Variants in RDX observed in about 807,000 individuals in gnomAD.
RDX encodes the protein radixin.
A neutral mutation model predicts 83.7 loss-of-function variants in RDX; 32 were observed. The ratio of observed to expected loss-of-function variants is 0.38; its 90% CI spans 0.29 to 0.51. The LOEUF (loss-of-function observed/expected upper bound fraction) is 0.51, where lower values mean the gene tolerates loss of function less well. RDX is among the 20% of genes least tolerant of loss of function. The pLI, the probability that RDX is intolerant of heterozygous loss-of-function variation, is 0.87. For synonymous variants in RDX, 229 were observed against 222.7 expected (o/e 1.03, Z -0.25); for missense variants, 600 against 689.9 (o/e 0.87, Z 1.46).
At chr11:110,188,505 G>A (rs771369209) in intron 15 of RDX, among the ~76,000 whole-genome samples, 3 of 152,006 alleles carry the variant, frequency 2.0e-5, no homozygotes, top group Non-Finnish European at 4.4e-5. Context: ...TGGGAACTTA[G>A]GAGGAAGGAT....
At chr11:110,221,447 A>T (rs1380418951) in intron 14 of RDX, among the ~76,000 whole-genome samples, 3 of 151,996 alleles carry the variant, frequency 2.0e-5, no homozygotes, top group Non-Finnish European at 2.9e-5. Context: ...AAAATACAAA[A>T]ATTAGCCAGG....
In RDX at chr11:110,257,874, A is replaced by G. The variant is rs1859609742; in HGVS notation, c.591T>C (p.Asp197=). 6.2e-7 allele frequency: 1 copy of G among 1,612,136 alleles called. No homozygotes were observed. ...AATAGTTGACTCCATACATTTCTAG[A>G]TCTTGTGCAATCTTCAGGTATTCCA... ...SMMEYLKIAQ[D]LEMYGVNYFE... Residue 197 remains aspartate, a synonymous_variant, in exon 7 of 14, where the codon GAT becomes GAC. Transcript: ENST00000645495.
rs963435218 is a variant in RDX, at chr11:110,220,671, G to A, written c.1748+11202C>T. Among the ~76,000 whole-genome samples the A allele has an allele frequency of 7.9e-5, 12 of 152,168 alleles. No individual in the cohort carries two copies. The South Asian group carries it at 2.5e-3, about 32-fold the overall frequency. ...CTGCCACCACATTTGGCTAATTTTTGTATTTTTAGTAGAGCAGGGTTCCAC... is the reference window on the plus strand; with the variant it reads ...CTGCCACCACATTTGGCTAATTTTTATATTTTTAGTAGAGCAGGGTTCCAC... On this transcript the variant is annotated intron_variant, in intron 14 of 15. Coordinates refer to the RDX transcript ENST00000528498.
chr11:110,252,422 ATAAT>A (rs1465678651), intron 9 of RDX, among the ~76,000 whole-genome samples: 1 of 152,246 alleles, frequency 6.6e-6, no homozygotes, highest in Non-Finnish European at 1.5e-5. Flanking sequence ...GAGAATGTAA[ATAAT>A]ATATCAACAT....
chr11:110,239,862 CA>C (rs1865012260), intron 10 of RDX, among the ~76,000 whole-genome samples: 1 of 145,514 alleles, frequency 6.9e-6, no homozygotes, highest in African/African-American at 2.5e-5. Context: ...AAAAAAAAGG[CA>C]GTAACAGATG....
chr11:110,285,303 C>G (rs576730267), intron 1 of RDX, among the ~76,000 whole-genome samples: 1 of 151,992 alleles, frequency 6.6e-6, no homozygotes, highest in African/African-American at 2.4e-5. Context: ...CAGAATTGCA[C>G]GAACCTGGGA....
intron 1 of RDX, among the ~76,000 whole-genome samples, chr11:110,284,910 G>A (rs965065183): frequency 6.6e-6 from 1 of 152,162 alleles, no homozygotes; most frequent in African/African-American, 2.4e-5. Flanking sequence ...TTAAAAATCA[G>A]AGACAGAGAT....
At chr11:110,181,409 G>A (rs1298161315) in intron 15 of RDX, among the ~76,000 whole-genome samples, 3 of 152,058 alleles carry the variant, frequency 2.0e-5, no homozygotes, top group Admixed American at 6.5e-5. Flanking sequence ...TGATCTGCCC[G>A]CCTCGGCCTC....
At chr11:110,232,209 C>T (rs187498985) in intron 13 of RDX, among the ~76,000 whole-genome samples, 176 bp from the exon 14 acceptor site, 1 of 152,252 alleles carries the variant, frequency 6.6e-6, no homozygotes, top group African/African-American at 2.4e-5. Flanking sequence ...GAGGAATACA[C>T]ATGGCCTTTC....
intron 14 of RDX, among the ~76,000 whole-genome samples, chr11:110,221,530 G>A (rs1864246267): frequency 6.6e-6 from 1 of 151,508 alleles, no homozygotes; most frequent in South Asian, 2.1e-4. Context: ...CCCAGGAGGT[G>A]GAAGCTGCAG....
chr11:110,283,779 G>A (rs953500358), intron 1 of RDX, among the ~76,000 whole-genome samples: 2 of 151,810 alleles, frequency 1.3e-5, no homozygotes, highest in African/African-American at 4.8e-5. Context: ...AACATAATAT[G>A]ACTAAGAAAG....
intron 1 of RDX, among the ~76,000 whole-genome samples, chr11:110,280,957 G>A (rs1192820235): frequency 1.3e-5 from 2 of 152,198 alleles, no homozygotes; most frequent in East Asian, 1.9e-4. Flanking sequence ...TTGAGGTCAG[G>A]AGTTTGAGAC....
At chr11:110,180,705 C>A (rs1418020658) in intron 15 of RDX, among the ~76,000 whole-genome samples, 1 of 150,758 alleles carries the variant, frequency 6.6e-6, no homozygotes, top group Non-Finnish European at 1.5e-5. Flanking sequence ...TGCTGGAGTG[C>A]AGTGGTGCGA....
chr11:110,291,912 A>G (rs559996032), intron 1 of RDX, among the ~76,000 whole-genome samples: 14 of 152,246 alleles, frequency 9.2e-5, no homozygotes, highest in African/African-American at 2.9e-4. Flanking sequence ...CAGAAAGTCC[A>G]AGGCAGGAAG....
In RDX at chr11:110,257,923, T is replaced by C; in HGVS notation, c.552-10A>G. 29 of 1,610,064 alleles carry C rather than the reference T, an allele frequency of 1.8e-5. No homozygotes were observed. Among genetic ancestry groups the C allele is most frequent in the Non-Finnish European group, 2.5e-5 (29 of 1,176,822 alleles). ...CATCATAGAATCCTCCCTGTTGAAATAAAACTAAATGTAATATATTTAAGT... is the reference window on the plus strand; with the variant it reads ...CATCATAGAATCCTCCCTGTTGAAACAAAACTAAATGTAATATATTTAAGT... On this transcript the variant is annotated splice_polypyrimidine_tract_variant and intron_variant, in intron 6 of 13. Coordinates refer to ENST00000645495, the MANE Select transcript of RDX (RefSeq NM_002906.4).
At chr11:110,241,204 G>A (rs1177912270) in intron 10 of RDX, among the ~76,000 whole-genome samples, 3 of 152,124 alleles carry the variant, frequency 2.0e-5, no homozygotes, top group Non-Finnish European at 2.9e-5. Context: ...GGCACTGGAT[G>A]TTACCATAGC....
At chr11:110,287,484 G>A (rs1861031899) in intron 1 of RDX, among the ~76,000 whole-genome samples, 3 of 152,112 alleles carry the variant, frequency 2.0e-5, no homozygotes, top group East Asian at 1.9e-4. Context: ...ATAGGTCCCC[G>A]GGTTTAAAAC....
chr11:110,284,573 T>G (rs1274015472), intron 1 of RDX, among the ~76,000 whole-genome samples: 1 of 151,522 alleles, frequency 6.6e-6, no homozygotes, highest in Admixed American at 6.6e-5. Flanking sequence ...CAGGCTGGAG[T>G]GCAGTGGCGC....
intron 1 of RDX, among the ~76,000 whole-genome samples, chr11:110,280,999 T>C (rs1860739748): frequency 6.6e-6 from 1 of 152,204 alleles, no homozygotes; most frequent in Non-Finnish European, 1.5e-5. Flanking sequence ...ACCCCATCTA[T>C]ACCAGAAATA....
Sources: allele counts gnomAD v4.1 joint callset (sites outside exome capture counted in the v4.1 genomes callset), GRCh38; gene constraint gnomAD v4.1.1; transcripts MANE v1.5; gene names NCBI Gene and HGNC (gene_info 2026-07-23, HGNC 2026-07-21).